Variants in SOHLH1 observed in about 807,000 individuals in gnomAD.
SOHLH1 encodes spermatogenesis and oogenesis specific basic helix-loop-helix 1.
SOHLH1 carries 23 observed loss-of-function variants against 36.2 expected under a neutral mutation model. The observed-to-expected ratio is 0.64, with a 90% CI of 0.46 to 0.90. The LOEUF is 0.90. SOHLH1 is among the 40% of genes least tolerant of loss of function. The pLI, the probability that SOHLH1 is intolerant of heterozygous loss-of-function variation, is 0.00. For missense variants in SOHLH1, 608 were observed against 517.0 expected, an observed-to-expected ratio of 1.18 and a Z score of -1.71; for synonymous variants, 289 against 228.3, an observed-to-expected ratio of 1.27 and a Z score of -2.40.
In SOHLH1 at chr9:135,696,946, C is replaced by T. The variant is rs542952615; in HGVS notation, c.468-141G>A. ...ACCCAGCATCAAGCCAGCCTCTGCC[C>T]AGGGGCCCTGGGCCAGCCAAGCTCC... On this transcript the variant is annotated intron_variant, in intron 4 of 7. Coordinates refer to ENST00000425225, the MANE Select transcript of SOHLH1 (RefSeq NM_001101677.2). The T allele has an allele frequency of 3.0e-6, 3 of 984,182 alleles. No individual in the cohort carries two copies. The African/African-American group carries it at 4.8e-5, about 16-fold the overall frequency. 61.0% of individuals were successfully genotyped at this position (984,182 alleles called of 1,614,324 possible).
chr9:135,700,276 C>T (rs910386958), upstream of SOHLH1, among the ~76,000 whole-genome samples: 1 of 152,214 alleles, frequency 6.6e-6, no homozygotes, highest in Non-Finnish European at 1.5e-5. Flanking sequence ...AAAGCTCCGG[C>T]GCCAGGTGTT....
intron 4 of SOHLH1, 73 bp downstream of exon 4, chr9:135,697,433 A>G: frequency 1.3e-6 from 2 of 1,576,202 alleles, no homozygotes; most frequent in Non-Finnish European, 1.7e-6. Flanking sequence ...TCCCGAGGAC[A>G]TGCCAGGGGG....
At chr9:135,699,533 G>C, upstream of SOHLH1, 1 of 1,531,542 alleles carries the variant, frequency 6.5e-7, no homozygotes, top group East Asian at 2.3e-5. Flanking sequence ...GCCCCCTCAC[G>C]TGTGCTCTGC....
chr9:135,699,599 C>T (rs904731436), upstream of SOHLH1: 22 of 977,046 alleles, frequency 2.3e-5, no homozygotes, highest in Non-Finnish European at 3.1e-5. Context: ...CAATCCGCCC[C>T]CATAGCGCAT....
chr9:135,700,839 G>T (rs923756378), upstream of SOHLH1, among the ~76,000 whole-genome samples: 1 of 152,282 alleles, frequency 6.6e-6, no homozygotes, highest in African/African-American at 2.4e-5. Context: ...CCTGCCCCTG[G>T]CCAGGGAGGG....
At position 135,695,079 on chromosome 9, in the gene SOHLH1, C is replaced by T. The variant is rs752266509; in HGVS notation, c.846G>A (p.Lys282=). ...CCTCCTGCGCCAGCATGGGGTCCTCCTTGGCTGGCTCCCCCAGAGGTGCAG... is the reference window on the plus strand; with the variant it reads ...CCTCCTGCGCCAGCATGGGGTCCTCTTTGGCTGGCTCCCCCAGAGGTGCAG... ...MGAAPLGEPA[K]EDPMLAQEAG... is the part of the protein sequence containing the mutation. The change falls in exon 6 of 8, where the codon AAG becomes AAA. Residue 282 remains lysine (K), a synonymous_variant. Transcript: ENST00000425225. The T allele has an allele frequency of 5.0e-6, 8 of 1,598,056 alleles. No homozygotes were observed. In the African/African-American group the frequency reaches 9.4e-5, roughly 19 times the overall value.
At chr9:135,696,867 C>G in intron 4 of SOHLH1, 62 bp from the exon 5 acceptor site, 12 of 1,551,010 alleles carry the variant, frequency 7.7e-6, no homozygotes, top group Non-Finnish European at 1.1e-5. Flanking sequence ...AAGGCTGCCC[C>G]CACCCACCCC....
chr9:135,697,414 G>C, intron 4 of SOHLH1, 92 bp downstream of exon 4: 1 of 1,554,094 alleles, frequency 6.4e-7, no homozygotes, highest in Non-Finnish European at 8.7e-7. Flanking sequence ...GGGCCTCCAG[G>C]CCACACCCTC....
chr9:135,699,536 T>C (rs1264157714), upstream of SOHLH1: 1 of 1,506,632 alleles, frequency 6.6e-7, no homozygotes, highest in Non-Finnish European at 9.1e-7. Flanking sequence ...CCCTCACGTG[T>C]GCTCTGCCCA....
chr9:135,694,013 A>G (rs1834693426), intron 7 of SOHLH1, 199 bp from the exon 8 acceptor site: 2 of 1,427,866 alleles, frequency 1.4e-6, no homozygotes, highest in African/African-American at 2.9e-5. Context: ...CAGAACCAGG[A>G]ACGGGCTCCC....
upstream of SOHLH1, among the ~76,000 whole-genome samples, chr9:135,700,445 TG>T (rs896334660): frequency 7.6e-6 from 1 of 131,190 alleles, no homozygotes; most frequent in Non-Finnish European, 1.6e-5. Flanking sequence ...GGGACGAGGG[TG>T]GGGGGTGAGG....
At position 135,693,724 on chromosome 9, in the gene SOHLH1, T is replaced by A. The variant is rs1046797396; in HGVS notation, c.1037A>T (p.Asp346Val). The change falls in exon 8 of 8, where the codon GAC (aspartate) becomes GTC (valine). Residue 346 changes from aspartate (D) to valine (V), a missense_variant. By Grantham distance (152) the Asp-to-Val change is radical. Coordinates refer to ENST00000425225, the MANE Select transcript of SOHLH1 (RefSeq NM_001101677.2). ...GAGCTCCTGGGAGCCAAGCTCAGGGTCCCCTAGGAAGCCTGGCTCTCCAAC... is the reference window on the plus strand; with the variant it reads ...GAGCTCCTGGGAGCCAAGCTCAGGGACCCCTAGGAAGCCTGGCTCTCCAAC... The part of the protein sequence containing the change: ...LDVGEPGFLG[D>V]PELGSQELQD... The A allele has an allele frequency of 2.5e-6, 4 of 1,573,484 alleles. No homozygotes were observed. The African/African-American group carries it at 5.4e-5, about 21-fold the overall frequency.
intron 4 of SOHLH1, 58 bp from the exon 5 acceptor site, chr9:135,696,863 GC>G: frequency 6.4e-7 from 1 of 1,567,254 alleles, no homozygotes; most frequent in Non-Finnish European, 8.7e-7. Context: ...CTGGAAGGCT[GC>G]CCCCACCCAC....
At chr9:135,696,250 GC>G (rs1327311805) in intron 5 of SOHLH1, among the ~76,000 whole-genome samples, 267 of 123,948 alleles carry the variant, frequency 2.2e-3, no homozygotes, top group African/African-American at 6.7e-3. Flanking sequence ...ATGCTTCCCA[GC>G]AGACCCAGGG....
rs372445466 is a variant in SOHLH1, at chr9:135,699,462, C to G, written c.6G>C (p.Ala2=). The change falls in exon 1 of 8, where the codon GCG becomes GCC. Residue 2 remains alanine, a synonymous_variant. Coordinates refer to ENST00000425225, the MANE Select transcript of SOHLH1 (RefSeq NM_001101677.2). ...CCGGGTAGGGCTCGGAGCACCGGGA[C>G]GCCATGAACTCGCAGCTGCGGAGCG... M[A]SRCSEPYPEV... The G allele has an allele frequency of 6.2e-7, 1 of 1,612,174 alleles. No homozygotes were observed.
At chr9:135,698,139 A>G (rs505391) in intron 3 of SOHLH1, among the ~76,000 whole-genome samples, 190 bp downstream of exon 3, 139,481 of 152,126 alleles carry the variant, frequency 0.92, 64,137 homozygotes, top group East Asian at 0.98. Flanking sequence ...CCTTTCCAGG[A>G]ACAGAATAAC....
upstream of SOHLH1, among the ~76,000 whole-genome samples, chr9:135,700,543 C>T (rs1203468880): frequency 6.6e-6 from 1 of 152,026 alleles, no homozygotes; most frequent in African/African-American, 2.4e-5. Context: ...GCTCTCCTCC[C>T]GAGAGGGGAG....
chr9:135,693,416 C>T lies in SOHLH1; in HGVS notation c.*181G>A, dbSNP rs918382542. On this transcript the variant is annotated 3_prime_UTR_variant, in exon 8 of 8. Coordinates refer to ENST00000425225, the MANE Select transcript of SOHLH1 (RefSeq NM_001101677.2). The stretch of plus-strand genomic sequence containing the variant: ...ACAGAAGCCACACAGGTTTTGCTTC[C>T]TCCAGGAAAACTGCTTTCCCTCTTT... The T allele has an allele frequency of 1.8e-5, 16 of 882,070 alleles. No homozygotes were observed. Among genetic ancestry groups the T allele is most frequent in the African/African-American group, 3.4e-5 (2 of 59,292 alleles). 54.6% of individuals were successfully genotyped at this position (882,070 alleles called of 1,614,324 possible).
chr9:135,701,785 G>A (rs1835042239), upstream of SOHLH1, among the ~76,000 whole-genome samples: 1 of 152,192 alleles, frequency 6.6e-6, no homozygotes, highest in African/African-American at 2.4e-5. Flanking sequence ...GACCACGGCA[G>A]AGCAGCACAA....
Sources: allele counts gnomAD v4.1 joint callset (sites outside exome capture counted in the v4.1 genomes callset), GRCh38; gene constraint gnomAD v4.1.1; transcripts MANE v1.5; gene names NCBI Gene and HGNC (gene_info 2026-07-23, HGNC 2026-07-21).